SOX5: variants seen among roughly 807,000 people sequenced by gnomAD.
SOX5 encodes the protein transcription factor SOX-5.
Under a neutral mutation model 92.0 loss-of-function variants are expected in SOX5, and 9 were observed. That is an observed-to-expected ratio of 0.10 (90% CI 0.06 to 0.17). SOX5 has a LOEUF of 0.17. Ranked by LOEUF, SOX5 falls within the 10% of genes least tolerant of loss-of-function variation. SOX5 has a pLI of 1.00. For missense variants in SOX5, 642 were observed against 944.5 expected (o/e 0.68, Z 4.20); for synonymous variants, 344 against 336.3 (o/e 1.02, Z -0.25).
intron 1 of SOX5, among the ~76,000 whole-genome samples, chr12:24,447,993 C>A (rs1002604187): frequency 1.3e-5 from 2 of 152,094 alleles, no homozygotes; most frequent in Admixed American, 1.3e-4. Context: ...CCAGCCTGAA[C>A]AACATGGTGA....
At chr12:23,828,066 G>C (rs778499327) in intron 3 of SOX5, among the ~76,000 whole-genome samples, 25 of 152,168 alleles carry the variant, frequency 1.6e-4, no homozygotes, top group Admixed American at 1.2e-3. Context: ...GTATACATCA[G>C]GGGTCCCATA....
At chr12:24,344,014 G>A (rs1310941218) in intron 2 of SOX5, among the ~76,000 whole-genome samples, 1 of 152,094 alleles carries the variant, frequency 6.6e-6, no homozygotes, top group African/African-American at 2.4e-5. Flanking sequence ...GCCGGGTGCA[G>A]GGGCTCACAC....
rs150115690 is a variant in SOX5 at position 23,683,776 on chromosome 12, C to T, written c.811-18212G>A. On this transcript the variant is annotated intron_variant, in intron 6 of 14. Coordinates refer to ENST00000451604, the MANE Select transcript of SOX5 (RefSeq NM_006940.6). ...TTGACATTTTGTATGCATCTGCTGA[C>T]AGTTTTCTTAATCAATCATCCTCTG... Among the ~76,000 whole-genome samples, 545 of 152,090 alleles carry T rather than the reference C, an allele frequency of 3.6e-3. 2 individuals are homozygous for T. The highest frequency in any genetic ancestry group is 0.012 in the African/African-American group (517 of 41,550).
chr12:24,082,609 T>C (rs1943496981), intron 4 of SOX5, among the ~76,000 whole-genome samples: 1 of 151,674 alleles, frequency 6.6e-6, no homozygotes, highest in Admixed American at 6.6e-5. Flanking sequence ...AAATACCATA[T>C]AAAATGGAAT....
intron 11 of SOX5, among the ~76,000 whole-genome samples, chr12:23,560,341 TCAAAC>T (rs1945991203): frequency 1.3e-5 from 2 of 152,236 alleles, no homozygotes; most frequent in Admixed American, 6.5e-5. Flanking sequence ...TGGCAAAATT[TCAAAC>T]CAATTACTAA....
At chr12:24,179,927 T>A (rs1955282527) in intron 4 of SOX5, among the ~76,000 whole-genome samples, 1 of 150,392 alleles carries the variant, frequency 6.6e-6, no homozygotes, top group South Asian at 2.1e-4. Context: ...TTAGGCCTTA[T>A]AATCTTTTTT....
At chr12:23,560,464 G>A (rs7137550) in intron 11 of SOX5, among the ~76,000 whole-genome samples, 19,292 of 152,166 alleles carry the variant, frequency 0.13, 1,629 homozygotes, top group Non-Finnish European at 0.17. Flanking sequence ...GTTTATATGA[G>A]AGAAAACATA....
At chr12:24,001,762 G>C (rs1206747540) in intron 4 of SOX5, among the ~76,000 whole-genome samples, 1 of 152,166 alleles carries the variant, frequency 6.6e-6, no homozygotes, top group Non-Finnish European at 1.5e-5. Context: ...AATAAGAATA[G>C]ACAATATTTA....
intron 2 of SOX5, among the ~76,000 whole-genome samples, chr12:24,356,702 CT>C (rs1311992475): frequency 6.6e-6 from 1 of 152,156 alleles, no homozygotes; most frequent in East Asian, 1.9e-4. Flanking sequence ...GGACTTCATT[CT>C]TTTCACCCAA....
At position 24,339,163 on chromosome 12, in the gene SOX5, C is replaced by CCCCACACACA. The variant is rs141671017; in HGVS notation, c.-174+29399_-174+29400insTGTGTGTGGG. Among the ~76,000 whole-genome samples the CCCCACACACA allele has an allele frequency of 6.5e-3, 908 of 140,458 alleles. 2 individuals carry two copies. Among genetic ancestry groups the CCCCACACACA allele is most frequent in the Middle Eastern group, 0.014 (4 of 276 alleles). The allele number at this position is 140,458 out of a possible 152,430, so 92.1% of individuals were successfully genotyped here. ...GTTTCTCTCTCTCTCTCTCTCTCTGCCACACACACACACACACACACACAC... is the reference window on the plus strand; with the variant it reads ...GTTTCTCTCTCTCTCTCTCTCTCTGCCCCACACACACACACACACACACACACACACACAC... On this transcript the variant is annotated intron_variant, in intron 2 of 4. Coordinates refer to the SOX5 transcript ENST00000446891.
chr12:23,742,750 G>C (rs914833296), intron 4 of SOX5, among the ~76,000 whole-genome samples: 1 of 152,114 alleles, frequency 6.6e-6, no homozygotes, highest in Non-Finnish European at 1.5e-5. Flanking sequence ...CCAATGTTTT[G>C]GGAGGCCCAG....
chr12:23,892,148 A>G (rs1297274793), intron 2 of SOX5, among the ~76,000 whole-genome samples: 1 of 152,210 alleles, frequency 6.6e-6, no homozygotes, highest in Admixed American at 6.5e-5. Context: ...ATGAGAAAAT[A>G]TATAAATAAT....
chr12:24,050,742 A>G (rs1333838741), intron 4 of SOX5, among the ~76,000 whole-genome samples: 1 of 152,210 alleles, frequency 6.6e-6, no homozygotes, highest in Non-Finnish European at 1.5e-5. Flanking sequence ...TATGGTGACA[A>G]CAGTGCTACC....
chr12:24,013,417 TAAG>T lies in SOX5; in HGVS notation c.-1-117396_-1-117394del, dbSNP rs141503767. The stretch of plus-strand genomic sequence containing the variant: ...TTAATGAAAAATGTTCATTCAGAGA[TAAG>T]AAGAGACCATTTCATTTGTTTATTT... On this transcript the variant is annotated intron_variant, in intron 4 of 4. Coordinates refer to the SOX5 transcript ENST00000446891. 3.7e-3 allele frequency among the ~76,000 whole-genome samples: 565 copies of T among 152,296 alleles called. 7 individuals carry two copies. Among genetic ancestry groups the T allele is most frequent in the African/African-American group, 0.013 (551 of 41,578 alleles).
At chr12:23,796,565 C>T (rs1398025105) in intron 3 of SOX5, among the ~76,000 whole-genome samples, 1 of 151,930 alleles carries the variant, frequency 6.6e-6, no homozygotes, top group Non-Finnish European at 1.5e-5. Context: ...TTTTCATATT[C>T]TACTGGGCCT....
intron 1 of SOX5, among the ~76,000 whole-genome samples, chr12:24,419,652 A>T (rs1344246829): frequency 1.3e-5 from 2 of 152,256 alleles, no homozygotes; most frequent in Non-Finnish European, 2.9e-5. Flanking sequence ...CAAGAAAATG[A>T]TGCTAGCTAT....
chr12:24,218,426 C>A (rs1276551199), intron 3 of SOX5, among the ~76,000 whole-genome samples: 1 of 152,048 alleles, frequency 6.6e-6, no homozygotes, highest in Non-Finnish European at 1.5e-5. Context: ...CCAAAATAGG[C>A]TAATCTATAG....
chr12:23,703,436 A>C (rs2090945337), intron 6 of SOX5, among the ~76,000 whole-genome samples: 1 of 152,026 alleles, frequency 6.6e-6, no homozygotes, highest in South Asian at 2.1e-4. Context: ...AGGCAGGCCC[A>C]CACTCTGGGT....
At chr12:24,083,090 A>T (rs1402218919) in intron 4 of SOX5, among the ~76,000 whole-genome samples, 2 of 152,020 alleles carry the variant, frequency 1.3e-5, no homozygotes, top group African/African-American at 4.8e-5. Context: ...CCTTGACAGC[A>T]TATAGATTTT....
Sources: allele counts gnomAD v4.1 joint callset (sites outside exome capture counted in the v4.1 genomes callset), GRCh38; gene constraint gnomAD v4.1.1; transcripts MANE v1.5; gene names NCBI Gene and HGNC (gene_info 2026-07-23, HGNC 2026-07-21).